Variants in ZMAT4 observed in about 807,000 individuals in gnomAD.
ZMAT4 encodes the protein zinc finger matrin-type protein 4.
In ZMAT4, 17 loss-of-function variants were observed where a neutral mutation model predicts 28.7. That is an observed-to-expected ratio of 0.59 (90% CI 0.41 to 0.89). The LOEUF (loss-of-function observed/expected upper bound fraction) is 0.89, where lower values mean the gene tolerates loss of function less well. ZMAT4 is among the 40% of genes least tolerant of loss of function. The probability of loss-of-function intolerance (pLI) is 0.00; values close to 1 mark genes in which losing one functional copy is unlikely to be tolerated. For synonymous variants in ZMAT4, 117 were observed against 109.2 expected, an observed-to-expected ratio of 1.07 and a Z score of -0.44; for missense variants, 240 against 283.8, an observed-to-expected ratio of 0.85 and a Z score of 1.11.
chr8:40,631,396 G>A (rs1222886895), intron 5 of ZMAT4, among the ~76,000 whole-genome samples: 1 of 152,138 alleles, frequency 6.6e-6, no homozygotes, highest in Non-Finnish European at 1.5e-5. Context: ...GACCTCAGGT[G>A]ATCCACCCAC....
intron 6 of ZMAT4, among the ~76,000 whole-genome samples, chr8:40,557,146 A>C (rs34760760): frequency 6.6e-6 from 1 of 152,074 alleles, no homozygotes; most frequent in African/African-American, 2.4e-5. Context: ...GTTTCACCCA[A>C]AGGAAAAGAA....
chr8:40,858,698 G>A (rs909133123), intron 1 of ZMAT4, among the ~76,000 whole-genome samples: 3 of 152,148 alleles, frequency 2.0e-5, no homozygotes, highest in Non-Finnish European at 2.9e-5. Context: ...GGCTCATTCC[G>A]CCAATGAAGA....
chr8:40,614,336 T>A (rs1384587888), intron 5 of ZMAT4, among the ~76,000 whole-genome samples: 6 of 152,190 alleles, frequency 3.9e-5, no homozygotes, highest in Admixed American at 3.9e-4. Context: ...CTTTTTCAAG[T>A]ATGAAGGGAA....
At chr8:40,613,962 C>T (rs1432092139) in intron 5 of ZMAT4, among the ~76,000 whole-genome samples, 2 of 152,204 alleles carry the variant, frequency 1.3e-5, no homozygotes, top group Non-Finnish European at 2.9e-5. Flanking sequence ...TTCCTCCCTC[C>T]TATGGGCTGC....
intron 1 of ZMAT4, among the ~76,000 whole-genome samples, chr8:40,842,311 C>T (rs1453833791): frequency 1.3e-5 from 2 of 152,228 alleles, no homozygotes; most frequent in African/African-American, 4.8e-5. Context: ...GCGATTCAAG[C>T]CCACGTTTCC....
At chr8:40,870,766 T>A (rs1047311173) in intron 1 of ZMAT4, among the ~76,000 whole-genome samples, 1 of 152,168 alleles carries the variant, frequency 6.6e-6, no homozygotes, top group Admixed American at 6.5e-5. Context: ...GGCAATTGAC[T>A]CAATAAAGCC....
chr8:40,703,486 A>G (rs984305618), intron 3 of ZMAT4, among the ~76,000 whole-genome samples: 1 of 152,246 alleles, frequency 6.6e-6, no homozygotes, highest in Admixed American at 6.5e-5. Context: ...AAAAGACCAC[A>G]TAATGTATGA....
intron 6 of ZMAT4, among the ~76,000 whole-genome samples, chr8:40,573,016 T>C (rs1804147477): frequency 6.6e-6 from 1 of 152,168 alleles, no homozygotes; most frequent in Non-Finnish European, 1.5e-5. Context: ...ACCTATAACC[T>C]GAAGATAAGA....
At chr8:40,699,603 C>CACACAT (rs1810043484) in intron 3 of ZMAT4, among the ~76,000 whole-genome samples, 1 of 151,744 alleles carries the variant, frequency 6.6e-6, no homozygotes. Flanking sequence ...AATGCACACA[C>CACACAT]ACACACACAC....
chr8:40,538,497 G>T (rs538658249), intron 6 of ZMAT4, among the ~76,000 whole-genome samples: 1 of 152,144 alleles, frequency 6.6e-6, no homozygotes, highest in Admixed American at 6.5e-5. Context: ...AGGCTGCATC[G>T]CGGGCCATAG....
intron 4 of ZMAT4, among the ~76,000 whole-genome samples, chr8:40,678,449 C>T (rs1325548602): frequency 2.0e-5 from 3 of 152,288 alleles, no homozygotes; most frequent in East Asian, 1.9e-4. Flanking sequence ...AAGGCCATGA[C>T]CAGAATGGTG....
At chr8:40,841,165 T>C (rs532440899) in intron 1 of ZMAT4, among the ~76,000 whole-genome samples, 4 of 152,316 alleles carry the variant, frequency 2.6e-5, no homozygotes, top group Admixed American at 2.6e-4. Flanking sequence ...TGAAACGTAG[T>C]AGAGTCTAAA....
chr8:40,631,661 T>G lies in ZMAT4; in HGVS notation c.577+43043A>C, dbSNP rs1806588714. On this transcript the variant is annotated intron_variant, in intron 5 of 6. Coordinates refer to ENST00000297737, the MANE Select transcript of ZMAT4 (RefSeq NM_024645.3). ...AGTTAAATCACATTCTTTAATACTT[T>G]TTGACACAGAAGCAACATAATGGTA... Among the ~76,000 whole-genome samples, 7 of 152,180 alleles carry G rather than the reference T, an allele frequency of 4.6e-5. No homozygotes were observed. In the South Asian group the frequency reaches 1.4e-3, roughly 32 times the overall value.
chr8:40,557,351 A>C (rs779007088), intron 6 of ZMAT4, among the ~76,000 whole-genome samples: 2 of 151,516 alleles, frequency 1.3e-5, no homozygotes, highest in Non-Finnish European at 3.0e-5. Flanking sequence ...TCTAGCTCCT[A>C]CTCCTACTCT....
intron 1 of ZMAT4, among the ~76,000 whole-genome samples, chr8:40,882,930 C>A (rs1029172377): frequency 3.9e-5 from 6 of 152,122 alleles, no homozygotes; most frequent in African/African-American, 1.4e-4. Flanking sequence ...CCTGCTTAAT[C>A]CTGAGCCACA....
chr8:40,576,986 G>A (rs1051658348), intron 6 of ZMAT4, among the ~76,000 whole-genome samples: 3 of 152,098 alleles, frequency 2.0e-5, no homozygotes, highest in Non-Finnish European at 2.9e-5. Flanking sequence ...CTGAGGTCAG[G>A]AGTTCAAGAC....
intron 1 of ZMAT4, among the ~76,000 whole-genome samples, chr8:40,856,964 A>C (rs34040472): frequency 0.045 from 6,862 of 152,298 alleles, 184 homozygotes; most frequent in South Asian, 0.085. Context: ...TCTGCTGTGA[A>C]GAAAGTGTTC....
chr8:40,721,263 A>T (rs1467160735), intron 3 of ZMAT4, among the ~76,000 whole-genome samples: 1 of 143,910 alleles, frequency 6.9e-6, no homozygotes, highest in Non-Finnish European at 1.5e-5. Flanking sequence ...TTTACTGAGA[A>T]TGATGATTTC....
At chr8:40,545,549 C>T (rs1803173583) in intron 6 of ZMAT4, among the ~76,000 whole-genome samples, 1 of 151,976 alleles carries the variant, frequency 6.6e-6, no homozygotes, top group Admixed American at 6.6e-5. Context: ...GACTCCTAAC[C>T]CAATATGACT....
Sources: allele counts gnomAD v4.1 joint callset (sites outside exome capture counted in the v4.1 genomes callset), GRCh38; gene constraint gnomAD v4.1.1; transcripts MANE v1.5; gene names NCBI Gene and HGNC (gene_info 2026-07-23, HGNC 2026-07-21).